TMEM184B: variants seen among roughly 807,000 people sequenced by gnomAD.
TMEM184B encodes putative MAPK-activating protein FM08.
A neutral mutation model predicts 41.8 loss-of-function variants in TMEM184B; 17 were observed. That is an observed-to-expected ratio of 0.41 (90% CI 0.28 to 0.61). TMEM184B has a LOEUF of 0.61. Ranked by LOEUF, TMEM184B falls within the 20% of genes least tolerant of loss-of-function variation. TMEM184B has a pLI of 0.34. For missense variants in TMEM184B, 393 were observed against 557.8 expected, an observed-to-expected ratio of 0.70 and a Z score of 2.98; for synonymous variants, 240 against 229.5, an observed-to-expected ratio of 1.05 and a Z score of -0.41.
At chr22:38,271,780 C>T (rs1052291198) in intron 1 of TMEM184B, among the ~76,000 whole-genome samples, 1 of 152,192 alleles carries the variant, frequency 6.6e-6, no homozygotes, top group African/African-American at 2.4e-5. Flanking sequence ...CGTCCCAGGT[C>T]CCAACTCTGA....
At chr22:38,254,052 T>C (rs1395434914) in intron 1 of TMEM184B, among the ~76,000 whole-genome samples, 2 of 151,744 alleles carry the variant, frequency 1.3e-5, no homozygotes, top group African/African-American at 4.8e-5. Context: ...AATAAAAAAA[T>C]TAGCCAGGTG....
In TMEM184B at chr22:38,239,038, G is replaced by T. The variant is rs528220696; in HGVS notation, c.358+6897C>A. Among the ~76,000 whole-genome samples the T allele has an allele frequency of 6.6e-6, 1 of 152,338 alleles. No homozygotes were observed. The highest frequency in any genetic ancestry group is 2.1e-4 in the South Asian group (1 of 4,834). On this transcript the variant is annotated intron_variant, in intron 3 of 8. Coordinates refer to ENST00000361906, the MANE Select transcript of TMEM184B (RefSeq NM_012264.5). This position sits in a 1 kb window ranked among gnomAD's most constrained non-coding sequence, Gnocchi z 4.6. ...AAGCGACATACGGACACCGCCTCCT[G>T]CCTCTGAACCCCAAGGCCCTGTGCC...
chr22:38,240,732 CAAA>C (rs550793359), intron 3 of TMEM184B, among the ~76,000 whole-genome samples: 18 of 66,568 alleles, frequency 2.7e-4, no homozygotes, highest in African/African-American at 7.3e-4. Flanking sequence ...GAAAAAAAGG[CAAA>C]AAAAAAAAAA....
intron 8 of TMEM184B, among the ~76,000 whole-genome samples, chr22:38,224,404 GT>G (rs1266477892): frequency 6.6e-6 from 1 of 152,206 alleles, no homozygotes; most frequent in African/African-American, 2.4e-5. Flanking sequence ...GTGAGCCACC[GT>G]GCCCGGCCAG....
intron 3 of TMEM184B, among the ~76,000 whole-genome samples, chr22:38,235,712 G>A (rs796617523): frequency 2.6e-5 from 4 of 152,300 alleles, no homozygotes; most frequent in African/African-American, 9.6e-5. Flanking sequence ...GGACACATCA[G>A]TCTCCCTCCT....
chr22:38,222,625 C>A, intron 8 of TMEM184B: 1 of 985,458 alleles, frequency 1.0e-6, no homozygotes, highest in Non-Finnish European at 1.2e-6. Context: ...GACATGCAGA[C>A]CAAGAGCGGG....
At chr22:38,238,795 G>A (rs2091842432) in intron 3 of TMEM184B, among the ~76,000 whole-genome samples, 1 of 152,190 alleles carries the variant, frequency 6.6e-6, no homozygotes, top group African/African-American at 2.4e-5. Context: ...CTAGGATTCA[G>A]AGACCCAGCT....
chr22:38,235,937 G>A (rs1489518159), intron 3 of TMEM184B, among the ~76,000 whole-genome samples: 1 of 152,236 alleles, frequency 6.6e-6, no homozygotes, highest in Non-Finnish European at 1.5e-5. Flanking sequence ...GACCCCTGGA[G>A]AGGCCTCGGA....
chr22:38,265,403 C>G (rs983618725), intron 1 of TMEM184B, among the ~76,000 whole-genome samples: 3 of 152,162 alleles, frequency 2.0e-5, no homozygotes, highest in Non-Finnish European at 4.4e-5. Flanking sequence ...ATCCAATACA[C>G]TGGCCTTCCC....
At chr22:38,240,732 CAAAA>C (rs550793359) in intron 3 of TMEM184B, among the ~76,000 whole-genome samples, 9 of 66,560 alleles carry the variant, frequency 1.4e-4, no homozygotes, top group South Asian at 8.6e-4. Flanking sequence ...GAAAAAAAGG[CAAAA>C]AAAAAAAAAA....
intron 3 of TMEM184B, among the ~76,000 whole-genome samples, chr22:38,234,078 A>G (rs909539656): frequency 2.1e-3 from 1 of 468 alleles, no homozygotes; most frequent in Non-Finnish European, 4.8e-3. Flanking sequence ...CGACGGTTGC[A>G]TTTTCTAGAC....
intron 3 of TMEM184B, among the ~76,000 whole-genome samples, chr22:38,234,413 C>T (rs1200065867): frequency 1.3e-5 from 2 of 152,206 alleles, no homozygotes; most frequent in Non-Finnish European, 2.9e-5. Context: ...TTTGCCCCAG[C>T]CTTCACGCTC....
At chr22:38,222,754 C>A (rs967715479) in intron 8 of TMEM184B, 2 of 973,484 alleles carry the variant, frequency 2.1e-6, no homozygotes, top group Non-Finnish European at 2.4e-6. Context: ...GCTGAGTGAA[C>A]AATGTGTGCC....
At chr22:38,266,024 A>G (rs561679636) in intron 1 of TMEM184B, among the ~76,000 whole-genome samples, 1 of 152,318 alleles carries the variant, frequency 6.6e-6, no homozygotes, top group African/African-American at 2.4e-5. Context: ...ACCAAGCTCC[A>G]CACACGTCCC....
intron 1 of TMEM184B, among the ~76,000 whole-genome samples, chr22:38,258,731 A>G (rs989099471): frequency 5.9e-5 from 9 of 152,196 alleles, no homozygotes; most frequent in Non-Finnish European, 1.3e-4. Flanking sequence ...CCTAAGGAAG[A>G]TAGTTTTAAA....
intron 1 of TMEM184B, among the ~76,000 whole-genome samples, chr22:38,264,235 G>A (rs971677860): frequency 3.3e-5 from 5 of 152,202 alleles, no homozygotes; most frequent in South Asian, 2.1e-4. Flanking sequence ...TGGTCCACAC[G>A]CTTGCATTTC....
chr22:38,232,891 C>T (rs994170541), intron 3 of TMEM184B, among the ~76,000 whole-genome samples: 1 of 152,214 alleles, frequency 6.6e-6, no homozygotes, highest in Non-Finnish European at 1.5e-5. Context: ...ATCCATCAAC[C>T]CCAGCTGGGA....
intron 1 of TMEM184B, among the ~76,000 whole-genome samples, chr22:38,254,247 C>T (rs1272366794): frequency 7.2e-6 from 1 of 139,482 alleles, no homozygotes; most frequent in Admixed American, 7.2e-5. Flanking sequence ...GAAAACCAAA[C>T]AATCCCACTT....
Position 38,230,660 on chromosome 22 carries a change from G to GA in TMEM184B, c.525+8_525+9insT. 6.2e-7 allele frequency: 1 copy of GA among 1,607,840 alleles called. No individual in the cohort carries two copies. The highest frequency in any genetic ancestry group is 1.1e-5 in the South Asian group (1 of 89,682). ...CCTCCTGAGCTAGGCAGCTGCTGGG[G>GA]GCACACACCTGTTTGCAGAACCTCA... On this transcript the variant is annotated intron_variant, in intron 5 of 8. Coordinates refer to ENST00000361906, the MANE Select transcript of TMEM184B (RefSeq NM_012264.5).
Sources: gnomAD v4.1 joint callset for allele counts (sites outside exome capture counted in the v4.1 genomes callset) on GRCh38, gnomAD v4.1.1 for gene constraint, Gnocchi (gnomAD v3.1) non-coding constraint, MANE v1.5 for transcripts, NCBI Gene and HGNC (gene_info 2026-07-23, HGNC 2026-07-21) for gene names.